Variants in ERBIN observed in about 807,000 individuals in gnomAD.
The protein encoded by ERBIN is densin-180-like protein.
ERBIN carries 60 observed loss-of-function variants against 158.4 expected under a neutral mutation model. The observed-to-expected ratio is 0.38, with a 90% CI of 0.31 to 0.47. The LOEUF (loss-of-function observed/expected upper bound fraction) is 0.47, where lower values mean the gene tolerates loss of function less well. Ranked by LOEUF, ERBIN falls within the 20% of genes least tolerant of loss-of-function variation. The pLI is 0.99. For synonymous variants in ERBIN, 594 were observed against 557.2 expected (o/e 1.07, Z -0.93); for missense variants, 1,610 against 1,648.0 (o/e 0.98, Z 0.40).
chr5:65,944,591 G>C (rs1448534592), intron 1 of ERBIN, among the ~76,000 whole-genome samples: 1 of 152,106 alleles, frequency 6.6e-6, no homozygotes, highest in South Asian at 2.1e-4. Context: ...TTTTAGTAGA[G>C]ATGGGGTTTC....
intron 14 of ERBIN, among the ~76,000 whole-genome samples, chr5:66,036,013 C>G (rs1262848577): frequency 6.6e-6 from 1 of 152,076 alleles, no homozygotes; most frequent in African/African-American, 2.4e-5. Context: ...TGCTTGAGCC[C>G]AGAAGTTCTA....
intron 15 of ERBIN, among the ~76,000 whole-genome samples, chr5:66,038,687 A>G (rs904725928): frequency 6.6e-6 from 1 of 152,090 alleles, no homozygotes; most frequent in Non-Finnish European, 1.5e-5. Context: ...GCTTCCTTAA[A>G]TGATTCCTTT....
chr5:66,040,434 T>C (rs945059036), intron 15 of ERBIN, among the ~76,000 whole-genome samples: 1 of 151,932 alleles, frequency 6.6e-6, no homozygotes, highest in Non-Finnish European at 1.5e-5. Flanking sequence ...AGAATAGAAG[T>C]AGCAAAATCT....
chr5:65,987,366 C>T (rs534028013), intron 1 of ERBIN, among the ~76,000 whole-genome samples: 34 of 10,234 alleles, frequency 3.3e-3, no homozygotes, highest in Non-Finnish European at 7.5e-3. Context: ...GAGAGACTGT[C>T]TACACACACA....
At chr5:65,941,471 A>G (rs1392500333) in intron 1 of ERBIN, among the ~76,000 whole-genome samples, 1 of 152,120 alleles carries the variant, frequency 6.6e-6, no homozygotes, top group Non-Finnish European at 1.5e-5. Flanking sequence ...ACCATTTTAT[A>G]TGAGGGATAC....
intron 21 of ERBIN, among the ~76,000 whole-genome samples, chr5:66,065,233 A>T (rs1449362710): frequency 6.6e-6 from 1 of 152,210 alleles, no homozygotes; most frequent in East Asian, 1.9e-4. Context: ...ATTATGTGGG[A>T]TAAGAAAAAA....
chr5:66,054,012 C>T lies in ERBIN; in HGVS notation c.2694C>T (p.Thr898=), dbSNP rs376466979. 2.3e-5 allele frequency: 37 copies of T among 1,613,894 alleles called. No homozygotes were observed. The highest frequency in any genetic ancestry group is 2.9e-5 in the Non-Finnish European group (34 of 1,179,994). Reference sequence around the variant, plus strand: ...ATGGACCTCAGCAGCCAAGTACAACCGTTAAAATCACATCTGCTGTTGATG... The same window carrying T: ...ATGGACCTCAGCAGCCAAGTACAACTGTTAAAATCACATCTGCTGTTGATG... ...SDNGPQQPST[T]VKITSAVDGK... The change falls in exon 21 of 26, where the codon ACC becomes ACT. Residue 898 remains threonine (T), a synonymous_variant. Coordinates refer to ENST00000284037, the MANE Select transcript of ERBIN (RefSeq NM_001253697.2).
intron 14 of ERBIN, among the ~76,000 whole-genome samples, chr5:66,032,133 A>G (rs368405475): frequency 6.6e-5 from 10 of 152,250 alleles, no homozygotes; most frequent in African/African-American, 1.7e-4. Context: ...CATTGTGACA[A>G]GAGTGTAACA....
chr5:65,979,485 T>C (rs1037104158), intron 1 of ERBIN, among the ~76,000 whole-genome samples: 1 of 152,132 alleles, frequency 6.6e-6, no homozygotes, highest in African/African-American at 2.4e-5. Flanking sequence ...TACCTTACAG[T>C]GTCTAGAATA....
chr5:65,952,985 G>A (rs1375101242), intron 1 of ERBIN, among the ~76,000 whole-genome samples: 2 of 152,102 alleles, frequency 1.3e-5, no homozygotes, highest in Non-Finnish European at 2.9e-5. Context: ...TCCTTCCTTC[G>A]TAAGTATACC....
rs185928159 is a variant in ERBIN at position 65,945,508 on chromosome 5, T to A, written c.-58+18702T>A. On this transcript the variant is annotated intron_variant, in intron 1 of 25. Transcript: ENST00000284037. ...TCCAGGAGCTCCTTTATGGTGCTGG[T>A]AATTTGTTTTGGGTCCATGTTGCCT... 3.6e-3 allele frequency among the ~76,000 whole-genome samples: 548 copies of A among 152,312 alleles called. 1 individual carries two copies. Among genetic ancestry groups the A allele is most frequent in the Middle Eastern group, 0.017 (5 of 294 alleles).
intron 10 of ERBIN, chr5:66,025,199 A>C: frequency 5.2e-6 from 2 of 383,176 alleles, no homozygotes; most frequent in East Asian, 1.2e-4. Flanking sequence ...AAGCAGAGCT[A>C]CAACAGTGAA....
At chr5:66,057,195 A>G (rs1040920848) in intron 21 of ERBIN, among the ~76,000 whole-genome samples, 1 of 152,224 alleles carries the variant, frequency 6.6e-6, no homozygotes, top group Admixed American at 6.5e-5. Flanking sequence ...TCAGTTAGCT[A>G]CTTGGACAAA....
chr5:66,081,853 T>C lies in ERBIN; in HGVS notation c.*3323T>C, dbSNP rs999194822. On this transcript the variant is annotated 3_prime_UTR_variant, in exon 26 of 26. Transcript: ENST00000284037. ...GAAATGGACATTGAAATAAAAATTA[T>C]GATTCAAGAGCATTAATTGATGAAC... 5 of 151,784 alleles carry C rather than the reference T, an allele frequency of 3.3e-5. No homozygotes were observed. Among genetic ancestry groups the C allele is most frequent in the Non-Finnish European group, 5.9e-5 (4 of 67,938 alleles). 9.4% of individuals were successfully genotyped at this position (151,784 alleles called of 1,614,324 possible). A position where few individuals can be genotyped will look rare whatever the true frequency, so the allele number is the denominator to read the frequency against.
chr5:65,988,779 G>C (rs1751542331), intron 2 of ERBIN, 97 bp downstream of exon 2: 1 of 152,100 alleles, frequency 6.6e-6, no homozygotes, highest in African/African-American at 2.4e-5. Flanking sequence ...CAGTGCAGGA[G>C]TTTGAGACCA....
At chr5:66,043,576 T>C (rs1758128623) in intron 16 of ERBIN, among the ~76,000 whole-genome samples, 2 of 152,302 alleles carry the variant, frequency 1.3e-5, no homozygotes, top group South Asian at 2.1e-4. Context: ...GATTTATTTT[T>C]ATAAATCTTA....
intron 1 of ERBIN, among the ~76,000 whole-genome samples, chr5:65,955,971 CACTT>C (rs990147109): frequency 7.2e-5 from 11 of 152,196 alleles, no homozygotes; most frequent in Non-Finnish European, 1.5e-5. Flanking sequence ...GCCCATTAGT[CACTT>C]AGTAGTAGCT....
chr5:65,930,382 T>C (rs1432117442), intron 1 of ERBIN, among the ~76,000 whole-genome samples: 1 of 152,206 alleles, frequency 6.6e-6, no homozygotes, highest in African/African-American at 2.4e-5. Context: ...TTTGGCCCAC[T>C]GCAAGCTGCG....
intron 1 of ERBIN, among the ~76,000 whole-genome samples, chr5:65,978,507 G>A (rs1750285865): frequency 6.6e-6 from 1 of 152,236 alleles, no homozygotes; most frequent in African/African-American, 2.4e-5. Flanking sequence ...GCAAAAATTG[G>A]TGGACTCAAG....
Sources: gnomAD v4.1 joint callset for allele counts (sites outside exome capture counted in the v4.1 genomes callset) on GRCh38, gnomAD v4.1.1 for gene constraint, MANE v1.5 for transcripts, NCBI Gene and HGNC (gene_info 2026-07-23, HGNC 2026-07-21) for gene names.